The following PTPRG variants were observed in gnomAD, a reference collection of about 807,000 sequenced individuals.
The protein encoded by PTPRG is receptor-type tyrosine-protein phosphatase gamma.
A neutral mutation model predicts 165.3 loss-of-function variants in PTPRG; 102 were observed. That is an observed-to-expected ratio of 0.62 (90% CI 0.53 to 0.73). The LOEUF (loss-of-function observed/expected upper bound fraction) is 0.73. Among genes scored for constraint, PTPRG ranks in the 30% least tolerant of loss-of-function variants. The probability of loss-of-function intolerance (pLI) is 0.00; values close to 1 mark genes in which losing one functional copy is unlikely to be tolerated. For missense variants in PTPRG, 1,866 were observed against 1,861.4 expected (o/e 1.00, Z -0.05); for synonymous variants, 675 against 669.5 (o/e 1.01, Z -0.13).
chr3:62,132,512 A>G (rs1166541008), intron 5 of PTPRG, 90 bp from the exon 6 acceptor site: 10 of 1,035,978 alleles, frequency 9.7e-6, no homozygotes, highest in Middle Eastern at 2.0e-4. Context: ...ATAACATTCT[A>G]TTCTCCCCCT....
intron 2 of PTPRG, among the ~76,000 whole-genome samples, chr3:61,977,800 G>A (rs889566840): frequency 6.6e-6 from 1 of 152,188 alleles, no homozygotes; most frequent in African/African-American, 2.4e-5. Flanking sequence ...CAGAGATACT[G>A]TATGCATGTA....
rs989775529 is a variant in PTPRG at position 62,154,736 on chromosome 3, G to A, written c.683-2331G>A. Among the ~76,000 whole-genome samples the A allele has an allele frequency of 5.3e-5, 8 of 152,192 alleles. No homozygotes were observed. The South Asian group carries it at 1.0e-3, about 20-fold the overall frequency. On this transcript the variant is annotated intron_variant, in intron 6 of 29. Transcript: ENST00000474889. ...TAACTGCAACCCTAATGTTGGACTC[G>A]GCTCTGAGGGGAAAACTCTTCTGAT... is the stretch of plus-strand genomic sequence containing the variant.
intron 6 of PTPRG, among the ~76,000 whole-genome samples, chr3:62,153,497 C>T (rs1442486658): frequency 6.6e-6 from 1 of 152,076 alleles, no homozygotes; most frequent in African/African-American, 2.4e-5. Context: ...CTAGACTGCT[C>T]ATGCTGATGG....
chr3:61,953,509 T>C (rs1229713596), intron 2 of PTPRG, among the ~76,000 whole-genome samples: 1 of 152,242 alleles, frequency 6.6e-6, no homozygotes, highest in African/African-American at 2.4e-5. Flanking sequence ...AAAGGTTACC[T>C]ACGGGCTCCC....
intron 4 of PTPRG, among the ~76,000 whole-genome samples, chr3:62,041,241 C>T (rs896436217): frequency 6.6e-6 from 1 of 151,854 alleles, no homozygotes; most frequent in Admixed American, 6.5e-5. Context: ...AAATTCTTTG[C>T]AGCCATGCTT....
chr3:61,632,243 A>C (rs1467093381), intron 1 of PTPRG, among the ~76,000 whole-genome samples: 1 of 152,144 alleles, frequency 6.6e-6, no homozygotes, highest in Admixed American at 6.5e-5. Flanking sequence ...GGGGAGGTCA[A>C]GGCTGCAGTG....
At chr3:61,610,117 G>A (rs1701127182) in intron 1 of PTPRG, among the ~76,000 whole-genome samples, 1 of 150,170 alleles carries the variant, frequency 6.7e-6, no homozygotes, top group Non-Finnish European at 1.5e-5. Flanking sequence ...GCTACCTAGT[G>A]GTAAATCACT....
chr3:62,024,076 G>A (rs1182242245), intron 4 of PTPRG, among the ~76,000 whole-genome samples: 1 of 152,110 alleles, frequency 6.6e-6, no homozygotes, highest in African/African-American at 2.4e-5. Flanking sequence ...TGTCTGTTTA[G>A]TGTAGTTTTC....
intron 9 of PTPRG, 75 bp from the exon 10 acceptor site, chr3:62,194,987 A>G: frequency 1.5e-6 from 2 of 1,377,256 alleles, no homozygotes; most frequent in Non-Finnish European, 1.0e-6. Flanking sequence ...CACGGCACTC[A>G]GGTTTGGCTT....
intron 1 of PTPRG, among the ~76,000 whole-genome samples, chr3:61,599,212 C>G (rs145554617): frequency 4.6e-5 from 7 of 151,908 alleles, no homozygotes; most frequent in Non-Finnish European, 8.8e-5. Context: ...TGCAATGACT[C>G]GATTTCAGCT....
chr3:61,853,569 A>C (rs932051346), intron 2 of PTPRG, among the ~76,000 whole-genome samples: 2 of 152,234 alleles, frequency 1.3e-5, no homozygotes, highest in Non-Finnish European at 2.9e-5. Context: ...CCCAGCTGAC[A>C]TCTTGACTGC....
chr3:62,067,038 CAA>C (rs58056271), intron 4 of PTPRG, among the ~76,000 whole-genome samples: 2,503 of 111,920 alleles, frequency 0.022, 66 homozygotes, highest in Admixed American at 0.061. Flanking sequence ...GATTCTGACT[CAA>C]AAAAAAAAAA....
At chr3:61,792,666 GGTTTT>G (rs1162365320) in intron 2 of PTPRG, among the ~76,000 whole-genome samples, 1 of 147,954 alleles carries the variant, frequency 6.8e-6, no homozygotes. Context: ...CTTTTTTGTG[GGTTTT>G]CTTTCTTTCT....
chr3:62,259,912 G>A (rs877900), intron 16 of PTPRG, among the ~76,000 whole-genome samples: 2 of 152,024 alleles, frequency 1.3e-5, no homozygotes, highest in Non-Finnish European at 2.9e-5. Flanking sequence ...TGGGAAGGGT[G>A]GGGAAGATAA....
intron 21 of PTPRG, among the ~76,000 whole-genome samples, chr3:62,272,621 A>G (rs530667876): frequency 6.6e-6 from 1 of 152,238 alleles, no homozygotes; most frequent in South Asian, 2.1e-4. Flanking sequence ...AAGTGGGCAG[A>G]TCACCTGAGG....
chr3:61,864,023 C>G (rs1268405518), intron 2 of PTPRG, among the ~76,000 whole-genome samples: 1 of 152,176 alleles, frequency 6.6e-6, no homozygotes, highest in Non-Finnish European at 1.5e-5. Flanking sequence ...GGATCTTATC[C>G]TCTCCTAAGT....
chr3:62,215,238 A>C (rs1056252791), intron 12 of PTPRG, among the ~76,000 whole-genome samples: 2 of 152,222 alleles, frequency 1.3e-5, no homozygotes, highest in Non-Finnish European at 2.9e-5. Context: ...CTGGAGATGG[A>C]ATCCAATTCC....
At chr3:61,613,029 C>G (rs1575537813) in intron 1 of PTPRG, among the ~76,000 whole-genome samples, 1 of 152,094 alleles carries the variant, frequency 6.6e-6, no homozygotes, top group African/African-American at 2.4e-5. Flanking sequence ...CATAAAGCCA[C>G]CAATAGCGCA....
intron 1 of PTPRG, among the ~76,000 whole-genome samples, chr3:61,717,453 C>CT (rs1271979267): frequency 6.6e-6 from 1 of 152,130 alleles, no homozygotes; most frequent in East Asian, 1.9e-4. Flanking sequence ...TACACATACA[C>CT]TTTTTTTACT....
Sources: gnomAD v4.1 joint callset for allele counts (sites outside exome capture counted in the v4.1 genomes callset) on GRCh38, gnomAD v4.1.1 for gene constraint, MANE v1.5 for transcripts, NCBI Gene and HGNC (gene_info 2026-07-23, HGNC 2026-07-21) for gene names.